Variants in ZNF462 observed in about 807,000 individuals in gnomAD.
ZNF462 encodes the protein zinc finger PBX1-interacting protein.
Under a neutral mutation model 201.9 loss-of-function variants are expected in ZNF462, and 10 were observed. The ratio of observed to expected loss-of-function variants is 0.05; its 90% confidence interval spans 0.03 to 0.08. The LOEUF (loss-of-function observed/expected upper bound fraction) is 0.08, where lower values mean the gene tolerates loss of function less well. Ranked by LOEUF, ZNF462 falls within the 10% of genes least tolerant of loss-of-function variation. ZNF462 has a pLI of 1.00. For missense variants in ZNF462, 2,523 were observed against 3,168.3 expected, an observed-to-expected ratio of 0.80 and a Z score of 4.89; for synonymous variants, 1,227 against 1,193.3, an observed-to-expected ratio of 1.03 and a Z score of -0.58.
intron 10 of ZNF462, among the ~76,000 whole-genome samples, chr9:107,000,495 A>G (rs971004940): frequency 1.3e-5 from 2 of 152,100 alleles, no homozygotes; most frequent in African/African-American, 4.8e-5. Context: ...CTTTTGTGTT[A>G]GGATTAATAT....
chr9:106,972,888 A>C lies in ZNF462; in HGVS notation c.6695+616A>C, dbSNP rs1425535754. 1.3e-5 allele frequency among the ~76,000 whole-genome samples: 2 copies of C among 152,216 alleles called. No individual in the cohort carries two copies. Among genetic ancestry groups the C allele is most frequent in the Non-Finnish European group, 2.9e-5 (2 of 68,040 alleles). ...AAGAATGGAATGCTTCCTATGATGT[A>C]ATCTAAGCTTCTGCATTTGAATCTC... On this transcript the variant is annotated intron_variant, in intron 8 of 12. Transcript: ENST00000277225. The surrounding 1 kb of genome is among the most constrained non-coding windows in gnomAD (Gnocchi z 4.8).
intron 7 of ZNF462, among the ~76,000 whole-genome samples, chr9:106,951,910 T>C (rs1831369245): frequency 6.6e-6 from 1 of 151,730 alleles, no homozygotes; most frequent in African/African-American, 2.4e-5. Flanking sequence ...GCATCAAGTG[T>C]GACTCTTTCG....
At chr9:106,907,853 C>A (rs1829337044) in intron 1 of ZNF462, among the ~76,000 whole-genome samples, 1 of 151,858 alleles carries the variant, frequency 6.6e-6, no homozygotes, top group Admixed American at 6.6e-5. Context: ...TTTCATAGAT[C>A]TGTGAAATTT....
chr9:106,958,873 A>G (rs1831701399), intron 7 of ZNF462, among the ~76,000 whole-genome samples: 1 of 152,120 alleles, frequency 6.6e-6, no homozygotes, highest in Non-Finnish European at 1.5e-5. Flanking sequence ...GGAGGGCATC[A>G]TTGATGACAG....
intron 1 of ZNF462, among the ~76,000 whole-genome samples, chr9:106,922,022 T>C (rs890881298): frequency 2.0e-5 from 3 of 152,212 alleles, no homozygotes; most frequent in Non-Finnish European, 4.4e-5. Flanking sequence ...TAGCAGGCGA[T>C]CAGGAGGAGC....
rs921419895 is a variant in ZNF462, at chr9:106,930,389, A to G, written c.5848-136A>G. On this transcript the variant is annotated intron_variant, in intron 3 of 12. Coordinates refer to ENST00000277225, the MANE Select transcript of ZNF462 (RefSeq NM_021224.6). The surrounding 1 kb of genome is among the most constrained non-coding windows in gnomAD (Gnocchi z 5.8). ...ATGCTGACAAATTTGTTATATAAAAATACTCGCCTATATCTCCCTTGGTTT... is the reference window on the plus strand; with the variant it reads ...ATGCTGACAAATTTGTTATATAAAAGTACTCGCCTATATCTCCCTTGGTTT... 11 of 1,146,720 alleles carry G rather than the reference A, an allele frequency of 9.6e-6. No individual in the cohort carries two copies. In the African/African-American group the frequency reaches 1.1e-4, roughly 11 times the overall value. 71.0% of individuals were successfully genotyped at this position (1,146,720 alleles called of 1,614,324 possible).
At chr9:106,945,205 G>T (rs2131693321) in intron 7 of ZNF462, among the ~76,000 whole-genome samples, 1 of 152,306 alleles carries the variant, frequency 6.6e-6, no homozygotes. Context: ...TATATGAAAT[G>T]TAAGGTATCA....
chr9:106,973,357 T>C (rs1356548218), intron 8 of ZNF462, among the ~76,000 whole-genome samples: 1 of 152,120 alleles, frequency 6.6e-6, no homozygotes, highest in Non-Finnish European at 1.5e-5. Flanking sequence ...AGCATCGTAG[T>C]AGCTGGGATT....
In ZNF462 at chr9:106,895,012, A is replaced by G. The variant is rs1007412687; in HGVS notation, c.-30-28342A>G. Among the ~76,000 whole-genome samples the G allele has an allele frequency of 1.1e-4, 16 of 152,142 alleles. No homozygotes were observed. Among genetic ancestry groups the G allele is most frequent in the Non-Finnish European group, 1.5e-5 (1 of 68,026 alleles). On this transcript the variant is annotated intron_variant, in intron 1 of 12. Coordinates refer to ENST00000277225, the MANE Select transcript of ZNF462 (RefSeq NM_021224.6). The surrounding 1 kb of genome is among the most constrained non-coding windows in gnomAD (Gnocchi z 4.4). ...TTAATCTGACGCTGCTGGTCTAGGT[A>G]ATTTCCTTGCTCTCTAGTTAAATAG... is the stretch of plus-strand genomic sequence containing the variant.
intron 10 of ZNF462, among the ~76,000 whole-genome samples, chr9:106,986,446 C>T (rs181838818): frequency 6.6e-6 from 1 of 152,218 alleles, no homozygotes. Flanking sequence ...AAATGAAGTC[C>T]TGTATCTCCT....
intron 7 of ZNF462, among the ~76,000 whole-genome samples, chr9:106,952,403 G>A (rs1409880989): frequency 6.6e-6 from 1 of 152,176 alleles, no homozygotes; most frequent in Non-Finnish European, 1.5e-5. Flanking sequence ...TTCAATTTAT[G>A]ATCCTTTTTA....
chr9:106,947,641 G>A (rs1335626670), intron 7 of ZNF462, among the ~76,000 whole-genome samples: 2 of 152,106 alleles, frequency 1.3e-5, no homozygotes, highest in African/African-American at 4.8e-5. Flanking sequence ...CTAATGCATT[G>A]GAGGTATAAA....
rs957426188 is a variant in ZNF462 at position 106,865,651 on chromosome 9, G to A, written c.-31+2296G>A. On this transcript the variant is annotated intron_variant, in intron 1 of 12. Coordinates refer to ENST00000277225, the MANE Select transcript of ZNF462 (RefSeq NM_021224.6). This position sits in a 1 kb window ranked among gnomAD's most constrained non-coding sequence, Gnocchi z 4.1. ...CGGCTAATTTTTTCTGTGTTCTGAA[G>A]TACTCTTAAGTCTTCAGAAATATCA... 2.6e-5 allele frequency among the ~76,000 whole-genome samples: 4 copies of A among 151,998 alleles called. No homozygotes were observed. In the East Asian group the frequency reaches 7.7e-4, roughly 29 times the overall value.
At chr9:106,934,204 A>G (rs897359487) in intron 5 of ZNF462, among the ~76,000 whole-genome samples, 6 of 151,970 alleles carry the variant, frequency 3.9e-5, no homozygotes, top group Non-Finnish European at 8.8e-5. Flanking sequence ...GCCTAGAAAA[A>G]TTAAGTAATT....
Position 106,932,199 on chromosome 9 carries a change from G to T in ZNF462, c.6013-247G>T. On this transcript the variant is annotated intron_variant, in intron 4 of 12. Transcript: ENST00000277225. The surrounding 1 kb of genome is among the most constrained non-coding windows in gnomAD (Gnocchi z 6.8). ...AGAATGTAGGGAGAAAAAGAAAGCTGGAGGCAATGATGATGGATATTTATT... is the reference window on the plus strand; with the variant it reads ...AGAATGTAGGGAGAAAAAGAAAGCTTGAGGCAATGATGATGGATATTTATT... The T allele has an allele frequency of 2.0e-6, 3 of 1,537,266 alleles. No individual in the cohort carries two copies. Among genetic ancestry groups the T allele is most frequent in the South Asian group, 1.2e-5 (1 of 82,334 alleles).
At chr9:107,002,278 C>G (rs935366831) in intron 10 of ZNF462, among the ~76,000 whole-genome samples, 1 of 152,110 alleles carries the variant, frequency 6.6e-6, no homozygotes, top group Non-Finnish European at 1.5e-5. Flanking sequence ...AACTGTGAGC[C>G]TCTGGAGGCC....
intron 10 of ZNF462, among the ~76,000 whole-genome samples, chr9:107,000,764 G>A (rs1306423730): frequency 3.3e-5 from 5 of 152,212 alleles, no homozygotes; most frequent in East Asian, 1.9e-4. Flanking sequence ...CCAGTGAAGG[G>A]ATGATGGTGC....
chr9:106,976,903 G>C (rs1188371119), intron 9 of ZNF462, among the ~76,000 whole-genome samples: 1 of 152,148 alleles, frequency 6.6e-6, no homozygotes, highest in Non-Finnish European at 1.5e-5. Flanking sequence ...AAGTAATCCA[G>C]CTGGGATTTA....
At position 107,012,890 on chromosome 9, in the gene ZNF462, T is replaced by C. The variant is rs1830004795; in HGVS notation, c.*1860T>C. 6.6e-6 allele frequency: 1 copy of C among 152,084 alleles called. No individual in the cohort carries two copies. The highest frequency in any genetic ancestry group is 1.5e-5 in the Non-Finnish European group (1 of 67,990). The allele number at this position is 152,084 out of a possible 1,614,324, so 9.4% of individuals were successfully genotyped here. On this transcript the variant is annotated 3_prime_UTR_variant, in exon 13 of 13. Transcript: ENST00000277225. ...ATGTTCTTCTTTTATTTTCTTACTG[T>C]TAAGAATTTTTATTTGTAGGATGTT... is the stretch of plus-strand genomic sequence containing the variant.
Sources: gnomAD v4.1 joint callset for allele counts (sites outside exome capture counted in the v4.1 genomes callset) on GRCh38, gnomAD v4.1.1 for gene constraint, Gnocchi (gnomAD v3.1) non-coding constraint, MANE v1.5 for transcripts, NCBI Gene and HGNC (gene_info 2026-07-23, HGNC 2026-07-21) for gene names.